MSTO1: variants seen among roughly 807,000 people sequenced by gnomAD.
MSTO1 encodes protein misato homolog 1.
Under a neutral mutation model 55.7 loss-of-function variants are expected in MSTO1, and 24 were observed. The observed-to-expected ratio is 0.43, with a 90% CI of 0.31 to 0.61. The LOEUF is 0.61. Ranked by LOEUF, MSTO1 falls within the 20% of genes least tolerant of loss-of-function variation. MSTO1 has a pLI of 0.09. For synonymous variants in MSTO1, 162 were observed against 252.8 expected (o/e 0.64, Z 3.41); for missense variants, 363 against 625.7 (o/e 0.58, Z 4.48).
At chr1:155,577,505 G>A in the MSTO1 span, among the ~76,000 whole-genome samples, 7 of 152,122 alleles carry the variant, frequency 4.6e-5, no homozygotes, top group African/African-American at 1.7e-4. Flanking sequence ...ATGAGTATCA[G>A]GTTGTCCCAG....
At chr1:155,610,088 G>A (rs1357000602), upstream of MSTO1, 35 of 710,528 alleles carry the variant, frequency 4.9e-5, no homozygotes, top group Non-Finnish European at 9.2e-6. Context: ...TCTAGGAAGA[G>A]GTAGGAAGGG....
At chr1:155,600,882 T>C in the MSTO1 span, among the ~76,000 whole-genome samples, 1 of 151,612 alleles carries the variant, frequency 6.6e-6, no homozygotes, top group African/African-American at 2.4e-5. Context: ...TTCACTGCGT[T>C]AGCCAGTATG....
At chr1:155,569,641 G>A in the MSTO1 span, among the ~76,000 whole-genome samples, 1 of 151,804 alleles carries the variant, frequency 6.6e-6, no homozygotes, top group East Asian at 1.9e-4. Context: ...ATTTCACTAT[G>A]TTGGCCAGGC....
At chr1:155,567,161 T>G in the MSTO1 span, among the ~76,000 whole-genome samples, 1 of 151,682 alleles carries the variant, frequency 6.6e-6, no homozygotes, top group Non-Finnish European at 1.5e-5. Context: ...TCTTGCTCTG[T>G]CACCCAGGTT....
chr1:155,591,155 G>A, the MSTO1 span: 15 of 1,613,282 alleles, frequency 9.3e-6, no homozygotes, highest in South Asian at 2.2e-5. Context: ...TGCTGTTGCC[G>A]ATGAAAGTGG....
chr1:155,609,420 T>C (rs1673363721), upstream of MSTO1, among the ~76,000 whole-genome samples: 2 of 150,974 alleles, frequency 1.3e-5, no homozygotes, highest in South Asian at 4.2e-4. Context: ...TAATTTTTTT[T>C]TGTATTTTTA....
At chr1:155,571,468 G>A in the MSTO1 span, among the ~76,000 whole-genome samples, 1 of 152,138 alleles carries the variant, frequency 6.6e-6, no homozygotes, top group African/African-American at 2.4e-5. Context: ...AGGCTGAAGG[G>A]AGAGGATCAC....
the MSTO1 span, among the ~76,000 whole-genome samples, chr1:155,574,870 CTTTTT>C: frequency 7.9e-6 from 1 of 126,240 alleles, no homozygotes. Flanking sequence ...AGAACTTTTT[CTTTTT>C]TTTTTTTTTT....
chr1:155,613,291 C>G, intron 11 of MSTO1, 58 bp downstream of exon 11: 1 of 1,589,300 alleles, frequency 6.3e-7, no homozygotes, highest in South Asian at 1.1e-5. Flanking sequence ...ATCCATCTTC[C>G]CCTAATTTCT....
Position 155,614,936 on chromosome 1 carries a change from A to G in MSTO1, c.*663A>G, listed in dbSNP as rs1675275980. On this transcript the variant is annotated 3_prime_UTR_variant, in exon 14 of 14. Coordinates refer to ENST00000245564, the MANE Select transcript of MSTO1 (RefSeq NM_018116.4). ...CATGTTAACATTTATGAAGCACTATATATTGATTTGCAAAATCTTTTGTTT... is the reference window on the plus strand; with the variant it reads ...CATGTTAACATTTATGAAGCACTATGTATTGATTTGCAAAATCTTTTGTTT... 2 of 1,197,882 alleles carry G rather than the reference A, an allele frequency of 1.7e-6. No individual in the cohort carries two copies. The highest frequency in any genetic ancestry group is 2.4e-6 in the Non-Finnish European group (2 of 824,454). The allele number at this position is 1,197,882 out of a possible 1,614,324, so 74.2% of individuals were successfully genotyped here.
upstream of MSTO1, among the ~76,000 whole-genome samples, chr1:155,606,770 C>T (rs890673451): frequency 6.6e-5 from 10 of 152,088 alleles, no homozygotes; most frequent in African/African-American, 2.4e-4. Flanking sequence ...ATCCACCTGC[C>T]TCAGCCTTCC....
the MSTO1 span, among the ~76,000 whole-genome samples, chr1:155,589,751 G>A: frequency 3.3e-5 from 5 of 151,612 alleles, no homozygotes; most frequent in African/African-American, 4.8e-5. Flanking sequence ...CCAGCAAGTC[G>A]GCTCATCCTA....
upstream of MSTO1, among the ~76,000 whole-genome samples, chr1:155,608,417 C>T (rs374547088): frequency 5.1e-4 from 77 of 152,128 alleles, no homozygotes; most frequent in South Asian, 0.013. Flanking sequence ...TGGACTCAAG[C>T]GATCTTCCTG....
the MSTO1 span, among the ~76,000 whole-genome samples, chr1:155,590,040 G>A: frequency 6.8e-6 from 1 of 146,712 alleles, no homozygotes; most frequent in Non-Finnish European, 1.5e-5. Context: ...AGGGTGCAGT[G>A]TTGGAGGTGG....
At chr1:155,590,672 C>T in the MSTO1 span, 1 of 1,449,792 alleles carries the variant, frequency 6.9e-7, no homozygotes, top group African/African-American at 1.4e-5. Context: ...CAGTAGCGGG[C>T]CATGTAATGG....
chr1:155,590,660 T>TCCAGTAG, the MSTO1 span: 1 of 1,426,660 alleles, frequency 7.0e-7, no homozygotes, highest in Non-Finnish European at 9.5e-7. Context: ...GGGGCAGATG[T>TCCAGTAG]CCAGTAGCGG....
the MSTO1 span, among the ~76,000 whole-genome samples, chr1:155,595,491 C>CTT: frequency 3.3e-5 from 4 of 119,672 alleles, no homozygotes; most frequent in East Asian, 2.4e-4. Context: ...ATTTCTTTTT[C>CTT]TTTTTTTTTT....
the MSTO1 span, among the ~76,000 whole-genome samples, chr1:155,587,468 G>A: frequency 3.3e-5 from 5 of 150,606 alleles, no homozygotes; most frequent in Admixed American, 6.6e-5. Context: ...AAAAGGCCGG[G>A]CGTGGTGGCT....
At chr1:155,576,145 T>G in the MSTO1 span, among the ~76,000 whole-genome samples, 2 of 151,886 alleles carry the variant, frequency 1.3e-5, no homozygotes. Flanking sequence ...TTGAGTTGCC[T>G]TTTTATTAAG....
Sources: allele counts gnomAD v4.1 joint callset (sites outside exome capture counted in the v4.1 genomes callset), GRCh38; gene constraint gnomAD v4.1.1; transcripts MANE v1.5; gene names NCBI Gene and HGNC (gene_info 2026-07-23, HGNC 2026-07-21).